LAX1: variants seen among roughly 807,000 people sequenced by gnomAD.
LAX1 encodes lymphocyte transmembrane adaptor 1.
In LAX1, 17 loss-of-function variants were observed where a neutral mutation model predicts 20.7. The ratio of observed to expected loss-of-function variants is 0.82; its 90% confidence interval spans 0.56 to 1.23. The LOEUF (loss-of-function observed/expected upper bound fraction) is 1.23. Ranked by LOEUF, LAX1 falls within the 50% of genes most tolerant of loss-of-function variation. LAX1 has a pLI of 0.00. For missense variants in LAX1, 470 were observed against 487.0 expected, an observed-to-expected ratio of 0.97 and a Z score of 0.33; for synonymous variants, 165 against 181.0, an observed-to-expected ratio of 0.91 and a Z score of 0.71.
At chr1:203,769,453 GAAA>G (rs201802142) in intron 1 of LAX1, among the ~76,000 whole-genome samples, 1 of 109,902 alleles carries the variant, frequency 9.1e-6, no homozygotes, top group African/African-American at 3.1e-5. Context: ...AGGAAAGAAA[GAAA>G]AGAAAAGAAA....
chr1:203,765,425 G>A lies in LAX1; in HGVS notation c.-141G>A. The A allele has an allele frequency of 6.4e-7, 1 of 1,552,818 alleles. No individual in the cohort carries two copies. The highest frequency in any genetic ancestry group is 8.7e-7 in the Non-Finnish European group (1 of 1,147,384). Reference sequence around the variant, plus strand: ...TGCTTTTGTATGTTGGGTCAACTTGGCCTGACGTTTCAGAGGTAGACACGA... The same window carrying A: ...TGCTTTTGTATGTTGGGTCAACTTGACCTGACGTTTCAGAGGTAGACACGA... On this transcript the variant is annotated 5_prime_UTR_variant, in exon 1 of 5. Transcript: ENST00000442561.
chr1:203,770,405 G>A (rs1468644725), intron 1 of LAX1, among the ~76,000 whole-genome samples: 2 of 139,098 alleles, frequency 1.4e-5, no homozygotes, highest in African/African-American at 5.2e-5. Flanking sequence ...GACAGAGAAA[G>A]ACTCCATCAA....
chr1:203,765,652 C>A lies in LAX1; in HGVS notation c.87C>A (p.Asp29Glu), dbSNP rs758816652. ...STLHVTPRSL[D>E]RNKDQITNIF... is the part of the protein sequence containing the mutation. Reference sequence around the variant, plus strand: ...TGCATGTGACTCCCCGCAGCCTGGACAGGTGAGTGACTCAGGGTGGTGAGC... The same window carrying A: ...TGCATGTGACTCCCCGCAGCCTGGAAAGGTGAGTGACTCAGGGTGGTGAGC... Residue 29 changes from aspartate to glutamate, a missense_variant and splice_region_variant, in exon 1 of 5, where the codon GAC becomes GAA. By Grantham distance (45) the Asp-to-Glu change is conservative. Coordinates refer to ENST00000442561, the MANE Select transcript of LAX1 (RefSeq NM_017773.4). The A allele has an allele frequency of 6.2e-7, 1 of 1,613,816 alleles. No homozygotes were observed. The highest frequency in any genetic ancestry group is 2.2e-5 in the East Asian group (1 of 44,886).
intron 1 of LAX1, chr1:203,769,552 C>T (rs373169083): frequency 2.0e-5 from 3 of 152,074 alleles, no homozygotes; most frequent in Admixed American, 2.0e-4. Context: ...GGGGGTAGCA[C>T]GTCAGTTCCT....
At chr1:203,768,596 G>A (rs1191130756) in intron 1 of LAX1, among the ~76,000 whole-genome samples, 1 of 152,182 alleles carries the variant, frequency 6.6e-6, no homozygotes, top group Non-Finnish European at 1.5e-5. Flanking sequence ...AAGGTCAGAG[G>A]TAAGCAGAGG....
At chr1:203,771,893 C>T (rs369075003) in intron 3 of LAX1, among the ~76,000 whole-genome samples, 175 bp from the exon 4 acceptor site, 2 of 152,076 alleles carry the variant, frequency 1.3e-5, no homozygotes, top group African/African-American at 4.8e-5. Context: ...GAGGGGCTTC[C>T]GGTTCTCAGA....
intron 1 of LAX1, among the ~76,000 whole-genome samples, chr1:203,765,873 A>G (rs532557974): frequency 6.5e-4 from 99 of 152,142 alleles, no homozygotes; most frequent in East Asian, 5.8e-4. Context: ...TAGAGGAAAA[A>G]CTGTGATAAC....
intron 1 of LAX1, among the ~76,000 whole-genome samples, chr1:203,766,933 G>T (rs1259597132): frequency 6.6e-6 from 1 of 151,956 alleles, no homozygotes; most frequent in Non-Finnish European, 1.5e-5. Context: ...TCGGCTCACT[G>T]CAGCCTCCAC....
Position 203,774,130 on chromosome 1 carries a change from C to A in LAX1, c.646C>A (p.Leu216Ile). The change falls in exon 5 of 5, where the codon CTC (leucine) becomes ATC (isoleucine). Residue 216 changes from leucine (L) to isoleucine (I), a missense_variant. Physicochemically the swap from Leu to Ile is conservative, Grantham distance 5. Transcript: ENST00000442561. ...TTCTACCAAAAGCCCTTCCAGAAATCTCTTTGTTCTTCCCAGTACCCAGAA... is the reference window on the plus strand; with the variant it reads ...TTCTACCAAAAGCCCTTCCAGAAATATCTTTGTTCTTCCCAGTACCCAGAA... ...LASTKSPSRNLFVLPSTQKLE... is the reference protein window; with the variant it reads ...LASTKSPSRNIFVLPSTQKLE... 1 of 1,614,180 alleles carries A rather than the reference C, an allele frequency of 6.2e-7. No individual in the cohort carries two copies. Among genetic ancestry groups the A allele is most frequent in the Non-Finnish European group, 8.5e-7 (1 of 1,180,048 alleles).
At chr1:203,770,491 AAGGAAGGAAGGAAGG>A (rs1667394594) in intron 1 of LAX1, among the ~76,000 whole-genome samples, 46 of 80,980 alleles carry the variant, frequency 5.7e-4, no homozygotes, top group African/African-American at 1.9e-3. Flanking sequence ...GGAAGGAAGG[AAGGAAGGAAGGAAGG>A]AAGGAAGAAA....
Position 203,772,166 on chromosome 1 carries a change from G to A in LAX1, c.390+19G>A. On this transcript the variant is annotated intron_variant, in intron 4 of 4. Coordinates refer to ENST00000442561, the MANE Select transcript of LAX1 (RefSeq NM_017773.4). ...GCATGTGGTAAGAGTCAAGCTTCTT[G>A]GGAGAATGACATGTCTCTGGCAGAA... is the stretch of plus-strand genomic sequence containing the variant. 1 of 1,579,848 alleles carries A rather than the reference G, an allele frequency of 6.3e-7. No individual in the cohort carries two copies. The highest frequency in any genetic ancestry group is 8.7e-7 in the Non-Finnish European group (1 of 1,148,744).
rs1413456124 is a variant in LAX1 at position 203,765,503 on chromosome 1, T to C, written c.-63T>C. ...AGAAGTGGTAGACATGCTGGCTAAC[T>C]GATTATGATTAAGAGAAACTTAGAA... On this transcript the variant is annotated 5_prime_UTR_variant, in exon 1 of 5. It removes the in-frame stop codon of an upstream open reading frame in the 5' UTR. Transcript: ENST00000442561. 1.1e-5 allele frequency: 17 copies of C among 1,606,118 alleles called. No individual in the cohort carries two copies. The highest frequency in any genetic ancestry group is 1.3e-5 in the African/African-American group (1 of 74,812).
intron 4 of LAX1, among the ~76,000 whole-genome samples, chr1:203,773,556 A>T (rs1227559863): frequency 6.6e-6 from 1 of 151,868 alleles, no homozygotes; most frequent in African/African-American, 2.4e-5. Context: ...AGGTGCTCAT[A>T]CTCACTTGGC....
intron 3 of LAX1, 77 bp downstream of exon 3, chr1:203,771,554 A>G: frequency 1.1e-6 from 1 of 909,346 alleles, no homozygotes; most frequent in Admixed American, 1.7e-5. Flanking sequence ...ACCCTCCAGA[A>G]GCAATTTTCT....
At chr1:203,769,468 A>T (rs904807338) in intron 1 of LAX1, among the ~76,000 whole-genome samples, 5 of 143,274 alleles carry the variant, frequency 3.5e-5, no homozygotes, top group African/African-American at 1.0e-4. Flanking sequence ...GAAAAGAAAG[A>T]AAGTTGTATA....
intron 1 of LAX1, among the ~76,000 whole-genome samples, chr1:203,767,149 C>T (rs902797819): frequency 9.2e-5 from 14 of 151,496 alleles, no homozygotes; most frequent in Admixed American, 4.0e-4. Context: ...CATGAGCCAC[C>T]GGGTCTGGAC....
chr1:203,772,167 G>A lies in LAX1; in HGVS notation c.390+20G>A. On this transcript the variant is annotated intron_variant, in intron 4 of 4. Transcript: ENST00000442561. ...CATGTGGTAAGAGTCAAGCTTCTTG[G>A]GAGAATGACATGTCTCTGGCAGAAG... 4.4e-6 allele frequency: 7 copies of A among 1,577,172 alleles called. No individual in the cohort carries two copies. The highest frequency in any genetic ancestry group is 6.1e-6 in the Non-Finnish European group (7 of 1,146,348).
At position 203,774,314 on chromosome 1, in the gene LAX1, G is replaced by A; in HGVS notation, c.830G>A (p.Ser277Asn). Reference protein sequence around the residue: ...DYVNMTGLDLSAIQERQLWVA... With the variant: ...DYVNMTGLDLNAIQERQLWVA... ...GTCAACATGACAGGGTTGGATCTCAGTGCCATCCAGGAAAGGCAGCTCTGG... is the reference window on the plus strand; with the variant it reads ...GTCAACATGACAGGGTTGGATCTCAATGCCATCCAGGAAAGGCAGCTCTGG... Residue 277 changes from serine (S) to asparagine (N), a missense_variant, in exon 5 of 5, where the codon AGT (serine) becomes AAT (asparagine). Physicochemically the swap from Ser to Asn is conservative, Grantham distance 46 (BLOSUM62 1). Transcript: ENST00000442561. 2 of 1,614,216 alleles carry A rather than the reference G, an allele frequency of 1.2e-6. No homozygotes were observed. The highest frequency in any genetic ancestry group is 1.7e-6 in the Non-Finnish European group (2 of 1,180,044).
chr1:203,768,181 C>T (rs1359436880), intron 1 of LAX1, among the ~76,000 whole-genome samples: 2 of 151,894 alleles, frequency 1.3e-5, no homozygotes, highest in Admixed American at 6.6e-5. Context: ...CGTGGTGGTG[C>T]GTACCTGTAG....
Sources: allele counts gnomAD v4.1 joint callset (sites outside exome capture counted in the v4.1 genomes callset), GRCh38; gene constraint gnomAD v4.1.1; transcripts MANE v1.5; gene names NCBI Gene and HGNC (gene_info 2026-07-23, HGNC 2026-07-21).